Variants in ARB2A observed in about 807,000 individuals in gnomAD.
ARB2A encodes ARB2 cotranscriptional regulator A.
chr5:93,804,742 CT>C, the ARB2A span: 1 of 335,386 alleles, frequency 3.0e-6, no homozygotes, highest in African/African-American at 2.2e-5. Context: ...AAATTATATA[CT>C]TTTTAATATA....
the ARB2A span, among the ~76,000 whole-genome samples, chr5:93,768,480 T>G: frequency 1.3e-5 from 2 of 150,188 alleles, no homozygotes; most frequent in East Asian, 3.9e-4. Flanking sequence ...TATATATATA[T>G]GTATATAAAA....
At chr5:93,917,178 T>C in the ARB2A span, among the ~76,000 whole-genome samples, 1 of 152,210 alleles carries the variant, frequency 6.6e-6, no homozygotes, top group African/African-American at 2.4e-5. Context: ...GCATTTGAAC[T>C]TGGGTTTGGT....
the ARB2A span, among the ~76,000 whole-genome samples, chr5:93,897,518 G>T: frequency 2.5e-3 from 382 of 152,014 alleles, no homozygotes; most frequent in Non-Finnish European, 4.7e-3. Context: ...AAGGACAAAA[G>T]AGACTGTGGT....
the ARB2A span, among the ~76,000 whole-genome samples, chr5:94,039,569 G>A: frequency 6.6e-6 from 1 of 152,242 alleles, no homozygotes; most frequent in South Asian, 2.1e-4. Context: ...CATAAAAATG[G>A]GCAACCAGCA....
At chr5:93,954,662 C>G in the ARB2A span, among the ~76,000 whole-genome samples, 1 of 151,638 alleles carries the variant, frequency 6.6e-6, no homozygotes, top group Non-Finnish European at 1.5e-5. Flanking sequence ...CTTGCTAAGT[C>G]TACTGCCTCT....
chr5:94,050,792 A>C, the ARB2A span: 1 of 1,612,824 alleles, frequency 6.2e-7, no homozygotes, highest in African/African-American at 1.3e-5. Flanking sequence ...GTAGTTAAAA[A>C]CAAATGGTTC....
the ARB2A span, among the ~76,000 whole-genome samples, chr5:94,099,624 CAAAAA>C: frequency 8.8e-4 from 12 of 13,654 alleles, no homozygotes; most frequent in South Asian, 9.6e-3. Flanking sequence ...GACTCCGTCT[CAAAAA>C]AAAAAAAAAA....
the ARB2A span, among the ~76,000 whole-genome samples, chr5:93,985,394 TGGTCTCCCCCTCTCCCTCTTTCCAC>T: frequency 9.2e-5 from 14 of 151,472 alleles, no homozygotes; most frequent in African/African-American, 3.4e-4. Context: ...CCTCTTTCCA[TGGTCTCCCCCTCTCCCTCTTTCCAC>T]GGTCTCCCCC....
At chr5:93,694,228 G>A in the ARB2A span, among the ~76,000 whole-genome samples, 1 of 152,140 alleles carries the variant, frequency 6.6e-6, no homozygotes, top group South Asian at 2.1e-4. Context: ...TATTCAAATA[G>A]GAAGAGAGGA....
the ARB2A span, among the ~76,000 whole-genome samples, chr5:93,906,587 C>T: frequency 6.6e-6 from 1 of 151,368 alleles, no homozygotes; most frequent in African/African-American, 2.4e-5. Context: ...CCTAATTTTG[C>T]CTAAGAGGCA....
At chr5:93,745,129 A>G in the ARB2A span, among the ~76,000 whole-genome samples, 1 of 152,208 alleles carries the variant, frequency 6.6e-6, no homozygotes, top group African/African-American at 2.4e-5. Context: ...TTCTAAGGAG[A>G]CATAACCAAC....
chr5:93,650,985 A>T, the ARB2A span, among the ~76,000 whole-genome samples: 3 of 152,112 alleles, frequency 2.0e-5, no homozygotes. Context: ...GAGCAAGATC[A>T]TGTCTTAGAA....
At chr5:93,814,804 C>T in the ARB2A span, among the ~76,000 whole-genome samples, 20 of 152,146 alleles carry the variant, frequency 1.3e-4, no homozygotes, top group East Asian at 3.9e-4. Context: ...GCCTTGAGGG[C>T]GTAATATTCA....
At chr5:93,683,294 C>A in the ARB2A span, 1 of 1,603,408 alleles carries the variant, frequency 6.2e-7, no homozygotes, top group Non-Finnish European at 8.5e-7. Context: ...AGGGGCAGAC[C>A]GCTTTCCAGA....
chr5:93,855,235 T>A, the ARB2A span, among the ~76,000 whole-genome samples: 71 of 152,320 alleles, frequency 4.7e-4, no homozygotes, highest in East Asian at 0.013. Context: ...GCTCTTTTGA[T>A]CTTAGTTGGT....
chr5:93,705,651 G>GTGTGTGTGTGTATA, the ARB2A span, among the ~76,000 whole-genome samples: 1 of 132,872 alleles, frequency 7.5e-6, no homozygotes. Context: ...GTGTGTGTGT[G>GTGTGTGTGTGTATA]TATATATATA....
At chr5:93,629,121 T>C in the ARB2A span, among the ~76,000 whole-genome samples, 2 of 152,162 alleles carry the variant, frequency 1.3e-5, no homozygotes, top group East Asian at 1.9e-4. Context: ...GGGTTATTAA[T>C]TGGCCTAATT....
chr5:94,059,813 A>AAAG, the ARB2A span, among the ~76,000 whole-genome samples: 1 of 152,016 alleles, frequency 6.6e-6, no homozygotes, highest in East Asian at 1.9e-4. Flanking sequence ...TAGAAGAAAT[A>AAAG]AAGATTTTTT....
the ARB2A span, among the ~76,000 whole-genome samples, chr5:93,623,655 G>C: frequency 6.6e-6 from 1 of 152,014 alleles, no homozygotes; most frequent in Non-Finnish European, 1.5e-5. Context: ...CTGAATACTT[G>C]TACTGGCTCT....
Sources: allele counts gnomAD v4.1 joint callset (sites outside exome capture counted in the v4.1 genomes callset), GRCh38; gene constraint gnomAD v4.1.1; transcripts MANE v1.5; gene names NCBI Gene and HGNC (gene_info 2026-07-23, HGNC 2026-07-21).